TMEM132D: variants seen among roughly 807,000 people sequenced by gnomAD.
The protein encoded by TMEM132D is mature OL transmembrane protein.
TMEM132D carries 21 observed loss-of-function variants against 62.3 expected under a neutral mutation model. The observed-to-expected ratio is 0.34, with a 90% CI of 0.24 to 0.49. TMEM132D has a LOEUF of 0.49. TMEM132D is among the 20% of genes least tolerant of loss of function. The pLI, the probability that TMEM132D is intolerant of heterozygous loss-of-function variation, is 0.99. For missense variants in TMEM132D, 1,346 were observed against 1,402.8 expected (o/e 0.96, Z 0.65); for synonymous variants, 621 against 575.6 (o/e 1.08, Z -1.13).
At chr12:129,114,333 C>A (rs931563128) in intron 5 of TMEM132D, among the ~76,000 whole-genome samples, 25 of 152,086 alleles carry the variant, frequency 1.6e-4, no homozygotes. Flanking sequence ...GACACCCCCA[C>A]CACAAACAAT....
chr12:129,085,465 C>A (rs1874587659), intron 5 of TMEM132D: 1 of 152,422 alleles, frequency 6.6e-6, no homozygotes, highest in South Asian at 2.1e-4. Flanking sequence ...CTCAATGATG[C>A]ACCTCCTGCT....
chr12:129,683,867 G>A (rs1418352365), intron 2 of TMEM132D, among the ~76,000 whole-genome samples: 1 of 152,176 alleles, frequency 6.6e-6, no homozygotes, highest in Admixed American at 6.5e-5. Context: ...TCTACTGGAT[G>A]CAGTGATGAC....
chr12:129,103,425 T>A (rs532180766), intron 5 of TMEM132D, among the ~76,000 whole-genome samples: 32 of 152,316 alleles, frequency 2.1e-4, no homozygotes, highest in African/African-American at 7.5e-4. Flanking sequence ...ACGCCCAGAT[T>A]TGGAGGAGCC....
At chr12:129,457,968 C>T (rs1873533028) in intron 3 of TMEM132D, among the ~76,000 whole-genome samples, 1 of 152,180 alleles carries the variant, frequency 6.6e-6, no homozygotes, top group Admixed American at 6.5e-5. Flanking sequence ...GGTGCATTGC[C>T]TGATCTTGGA....
At position 129,244,385 on chromosome 12, in the gene TMEM132D, C is replaced by CAAA. The variant is rs751155633; in HGVS notation, c.1300-34725_1300-34723dup. Among the ~76,000 whole-genome samples the CAAA allele has an allele frequency of 2.1e-3, 181 of 85,008 alleles. 1 individual carries two copies. The highest frequency in any genetic ancestry group is 0.015 in the Admixed American group (113 of 7,624). The allele number at this position is 85,008 out of a possible 152,430, so 55.8% of individuals were successfully genotyped here. A position where few individuals can be genotyped will look rare whatever the true frequency, so the allele number is the denominator to read the frequency against. On this transcript the variant is annotated intron_variant, in intron 4 of 8. Coordinates refer to ENST00000422113, the MANE Select transcript of TMEM132D (RefSeq NM_133448.3). ...TGGGCGACAGAGCGAGACTCTGTCT[C>CAAA]AAAAAAAAAAAAAAAAAAAAAAAAC... is the stretch of plus-strand genomic sequence containing the variant.
In TMEM132D at chr12:129,595,521, A is replaced by G. The variant is rs904700007; in HGVS notation, c.969-64316T>C. On this transcript the variant is annotated intron_variant, in intron 2 of 8. Transcript: ENST00000422113. ...ACTGTGACTTTCCAATTCCTCCCAAAAAAGGGGCGGGGGATATTTCTCCAT... is the reference window on the plus strand; with the variant it reads ...ACTGTGACTTTCCAATTCCTCCCAAGAAAGGGGCGGGGGATATTTCTCCAT... 5.3e-5 allele frequency among the ~76,000 whole-genome samples: 8 copies of G among 152,182 alleles called. No homozygotes were observed. The East Asian group carries it at 1.5e-3, about 29-fold the overall frequency.
chr12:129,640,545 G>T (rs1406318222), intron 2 of TMEM132D, among the ~76,000 whole-genome samples: 1 of 152,154 alleles, frequency 6.6e-6, no homozygotes, highest in Admixed American at 6.5e-5. Context: ...AAAGAACCAT[G>T]GAAATGCTAA....
intron 3 of TMEM132D, among the ~76,000 whole-genome samples, chr12:129,408,288 G>A (rs563734164): frequency 6.2e-4 from 95 of 152,192 alleles, no homozygotes; most frequent in African/African-American, 2.2e-3. Flanking sequence ...TGTTTTTCTA[G>A]AGGAATTTTA....
At chr12:129,426,143 T>C (rs1388712040) in intron 3 of TMEM132D, among the ~76,000 whole-genome samples, 3 of 152,140 alleles carry the variant, frequency 2.0e-5, no homozygotes, top group Admixed American at 2.0e-4. Flanking sequence ...TCTCGAAGGG[T>C]CTGCATGGCA....
intron 3 of TMEM132D, among the ~76,000 whole-genome samples, chr12:129,372,883 A>G (rs1420580473): frequency 1.3e-5 from 2 of 152,186 alleles, no homozygotes; most frequent in Non-Finnish European, 2.9e-5. Context: ...TGCTTGAATT[A>G]TCCCAGAATC....
intron 2 of TMEM132D, among the ~76,000 whole-genome samples, chr12:129,616,518 G>A (rs180947742): frequency 6.6e-6 from 1 of 152,320 alleles, no homozygotes; most frequent in East Asian, 1.9e-4. Flanking sequence ...TAATCCCCAT[G>A]TATCGTGGGA....
chr12:129,853,372 G>T (rs1278143904), intron 1 of TMEM132D: 1 of 152,248 alleles, frequency 6.6e-6, no homozygotes, highest in Non-Finnish European at 1.5e-5. Flanking sequence ...GAGGCCGTTT[G>T]AAAACACAGG....
intron 3 of TMEM132D, among the ~76,000 whole-genome samples, chr12:129,417,176 C>T (rs1340852029): frequency 6.6e-6 from 1 of 152,086 alleles, no homozygotes; most frequent in Non-Finnish European, 1.5e-5. Context: ...TCCATCTGGT[C>T]CTGGGCTTTT....
chr12:129,090,645 G>A (rs538227869), intron 5 of TMEM132D, among the ~76,000 whole-genome samples: 48 of 151,662 alleles, frequency 3.2e-4, no homozygotes, highest in Admixed American at 9.2e-4. Flanking sequence ...TCCAGCCTAG[G>A]TGACAGAGTG....
intron 2 of TMEM132D, among the ~76,000 whole-genome samples, chr12:129,640,059 TAC>T (rs10591977): frequency 0.96 from 144,894 of 150,760 alleles, 69,737 homozygotes; most frequent in Non-Finnish European, 0.99. Context: ...CACACACACA[TAC>T]ACACACACAC....
chr12:129,237,754 G>A (rs140737129), intron 4 of TMEM132D, among the ~76,000 whole-genome samples: 535 of 152,272 alleles, frequency 3.5e-3, no homozygotes, highest in African/African-American at 0.012. Context: ...TGAGGCGAGA[G>A]GATCACTTGG....
At chr12:129,737,199 A>T (rs1869454442) in intron 1 of TMEM132D, among the ~76,000 whole-genome samples, 1 of 152,120 alleles carries the variant, frequency 6.6e-6, no homozygotes. Context: ...ATGTTGTAGG[A>T]TGTTTAGCAG....
At chr12:129,868,734 T>C (rs7958444) in intron 1 of TMEM132D, among the ~76,000 whole-genome samples, 109,166 of 152,022 alleles carry the variant, frequency 0.72, 40,897 homozygotes, top group Non-Finnish European at 0.84. Flanking sequence ...GGACAAGCTG[T>C]TCTTCTAGAA....
At chr12:129,628,621 T>C (rs1879280127) in intron 2 of TMEM132D, among the ~76,000 whole-genome samples, 1 of 152,150 alleles carries the variant, frequency 6.6e-6, no homozygotes, top group Non-Finnish European at 1.5e-5. Context: ...GCTGAACACA[T>C]TGCCTCATCG....
Sources: gnomAD v4.1 joint callset for allele counts (sites outside exome capture counted in the v4.1 genomes callset) on GRCh38, gnomAD v4.1.1 for gene constraint, MANE v1.5 for transcripts, NCBI Gene and HGNC (gene_info 2026-07-23, HGNC 2026-07-21) for gene names.